The following CSMD2 variants were observed in gnomAD, a reference collection of about 807,000 sequenced individuals.
The protein encoded by CSMD2 is CUB and sushi domain-containing protein 2.
A neutral mutation model predicts 398.5 loss-of-function variants in CSMD2; 130 were observed. That is an observed-to-expected ratio of 0.33 (90% confidence interval 0.28 to 0.38). CSMD2 has a LOEUF of 0.38. Ranked by LOEUF, CSMD2 falls within the 10% of genes least tolerant of loss-of-function variation. CSMD2 has a pLI of 1.00. For synonymous variants in CSMD2, 1,828 were observed against 1,908.5 expected (o/e 0.96, Z 1.10); for missense variants, 3,829 against 4,764.9 (o/e 0.80, Z 5.78).
At chr1:33,968,370 C>T (rs1445924060) in intron 3 of CSMD2, among the ~76,000 whole-genome samples, 2 of 152,226 alleles carry the variant, frequency 1.3e-5, no homozygotes, top group African/African-American at 4.8e-5. Flanking sequence ...TTCATGGCTT[C>T]TTGTATTCCC....
In CSMD2 at chr1:33,537,094, A is replaced by C; in HGVS notation, c.9807T>G (p.Asp3269Glu). 6.2e-7 allele frequency: 1 copy of C among 1,614,148 alleles called. No individual in the cohort carries two copies. The highest frequency in any genetic ancestry group is 2.2e-5 in the East Asian group (1 of 44,868). The change falls in exon 62 of 71, where the codon GAT (aspartate) becomes GAG (glutamate). Residue 3269 changes from aspartate (D) to glutamate (E), a missense_variant and splice_region_variant. Asp to Glu is a conservative substitution (Grantham distance 45, BLOSUM62 2). This residue lies in a region of CSMD2 where 917 missense variants were observed against 1,199.5 expected (regional missense o/e 0.76). Coordinates refer to ENST00000373381, the MANE Select transcript of CSMD2 (RefSeq NM_001281956.2). This position sits in a 1 kb window ranked among gnomAD's most constrained non-coding sequence, Gnocchi z 4.6. ...GGTCCGCACACGTGGTCAGGGTCGG[A>C]TCTGGATGGCCAAAACAAAGACACA... is the stretch of plus-strand genomic sequence containing the variant. Reference protein sequence around the residue: ...TWSGTQPSCIDPTLTTCADPG... With the variant: ...TWSGTQPSCIEPTLTTCADPG...
chr1:33,622,842 A>C (rs1200690609), intron 36 of CSMD2, among the ~76,000 whole-genome samples: 2 of 152,220 alleles, frequency 1.3e-5, no homozygotes, highest in Non-Finnish European at 2.9e-5. Flanking sequence ...GTATATACTC[A>C]AGAGAAGTGA....
chr1:33,522,161 T>C (rs1654367289), intron 67 of CSMD2, among the ~76,000 whole-genome samples: 1 of 152,176 alleles, frequency 6.6e-6, no homozygotes, highest in South Asian at 2.1e-4. Context: ...GCTGAGGGCA[T>C]GCTGTGAGGA....
chr1:34,019,024 T>C (rs749255263), intron 3 of CSMD2, among the ~76,000 whole-genome samples: 2 of 152,226 alleles, frequency 1.3e-5, no homozygotes, highest in African/African-American at 2.4e-5. Flanking sequence ...ACCCACACTT[T>C]ACCTCTTACT....
At position 33,601,009 on chromosome 1, in the gene CSMD2, C is replaced by T; in HGVS notation, c.6712G>A (p.Asp2238Asn). 1.9e-6 allele frequency: 3 copies of T among 1,614,150 alleles called. No individual in the cohort carries two copies. Among genetic ancestry groups the T allele is most frequent in the South Asian group, 1.1e-5 (1 of 91,074 alleles). Residue 2238 changes from aspartate (D) to asparagine (N), a missense_variant and splice_region_variant, in exon 44 of 71, where the codon GAT (aspartate) becomes AAT (asparagine). By Grantham distance (23) the Asp-to-Asn change is conservative. Transcript: ENST00000373381. ...EPSGDFITIW[D>N]GPQQTAPRLG... is the part of the protein sequence containing the mutation. Reference sequence around the variant, plus strand: ...CGTGGTGCTGTTTGCTGTGGCCCATCCCTGTACACAGGAAACAAGGTCCTG... The same window carrying T: ...CGTGGTGCTGTTTGCTGTGGCCCATTCCTGTACACAGGAAACAAGGTCCTG...
intron 17 of CSMD2, among the ~76,000 whole-genome samples, chr1:33,725,058 G>T (rs1215334023): frequency 1.3e-5 from 2 of 152,234 alleles, no homozygotes; most frequent in Non-Finnish European, 2.9e-5. Flanking sequence ...TTCATGGTCA[G>T]TCAAATGTTC....
intron 22 of CSMD2, among the ~76,000 whole-genome samples, chr1:33,707,695 G>GCGCGCACACACA (rs1172787777): frequency 2.3e-4 from 21 of 92,084 alleles, no homozygotes; most frequent in South Asian, 6.3e-4. Flanking sequence ...GCGCGCGCGC[G>GCGCGCACACACA]CACACACACA....
At chr1:33,642,725 A>T (rs1276652596) in intron 29 of CSMD2, among the ~76,000 whole-genome samples, 1 of 152,220 alleles carries the variant, frequency 6.6e-6, no homozygotes, top group African/African-American at 2.4e-5. Context: ...GTTTTCTCAT[A>T]ATCATGTCTC....
At chr1:33,668,493 T>C (rs1193902074) in intron 25 of CSMD2, among the ~76,000 whole-genome samples, 2 of 152,192 alleles carry the variant, frequency 1.3e-5, no homozygotes, top group East Asian at 1.9e-4. Context: ...ATTAAGACTC[T>C]TATTGAATAC....
chr1:33,849,460 AAGC>A (rs1247289556), intron 5 of CSMD2, among the ~76,000 whole-genome samples: 2 of 152,226 alleles, frequency 1.3e-5, no homozygotes, highest in African/African-American at 4.8e-5. Flanking sequence ...TAGTGAGAGA[AAGC>A]AGATTAGTGG....
chr1:33,614,666 T>C, intron 39 of CSMD2, 46 bp from the exon 40 acceptor site: 4 of 1,105,976 alleles, frequency 3.6e-6, no homozygotes, highest in Non-Finnish European at 5.4e-6. Flanking sequence ...CATCAAGGGG[T>C]GTACAGGGCC....
intron 5 of CSMD2, among the ~76,000 whole-genome samples, chr1:33,900,923 A>C (rs192411342): frequency 4.1e-4 from 62 of 152,372 alleles, no homozygotes; most frequent in Non-Finnish European, 8.1e-4. Context: ...ATAGAGACTC[A>C]AAGAGGACAG....
intron 56 of CSMD2, 22 bp from the exon 57 acceptor site, chr1:33,546,241 A>C: frequency 6.3e-7 from 1 of 1,593,368 alleles, no homozygotes; most frequent in Non-Finnish European, 8.6e-7. Context: ...AACCACACAA[A>C]TCCCATTATT....
At chr1:33,691,276 G>A (rs537652387) in intron 25 of CSMD2, among the ~76,000 whole-genome samples, 1 of 152,248 alleles carries the variant, frequency 6.6e-6, no homozygotes, top group Admixed American at 6.5e-5. Flanking sequence ...GTGAGCGTGG[G>A]GTGGCCATGG....
At chr1:33,639,780 C>T (rs138473638) in intron 29 of CSMD2, among the ~76,000 whole-genome samples, 25 of 152,298 alleles carry the variant, frequency 1.6e-4, no homozygotes, top group African/African-American at 5.8e-4. Flanking sequence ...TCATCCCAAG[C>T]ATTACCACAT....
At chr1:33,925,452 T>C (rs1013258675) in intron 4 of CSMD2, among the ~76,000 whole-genome samples, 1 of 152,236 alleles carries the variant, frequency 6.6e-6, no homozygotes, top group Non-Finnish European at 1.5e-5. Context: ...TATAGCCTTG[T>C]AATATATTTT....
At chr1:34,008,006 T>C (rs1647113276) in intron 3 of CSMD2, among the ~76,000 whole-genome samples, 1 of 152,216 alleles carries the variant, frequency 6.6e-6, no homozygotes. Context: ...ATTGTTTGAC[T>C]ATTTGAAAAA....
At chr1:33,594,884 G>C (rs1342719978) in intron 44 of CSMD2, among the ~76,000 whole-genome samples, 1 of 152,228 alleles carries the variant, frequency 6.6e-6, no homozygotes, top group Non-Finnish European at 1.5e-5. Flanking sequence ...CAGCCACAAA[G>C]GTATAGGAGA....
intron 19 of CSMD2, among the ~76,000 whole-genome samples, chr1:33,723,292 G>A (rs550682696): frequency 3.9e-5 from 6 of 152,210 alleles, no homozygotes; most frequent in Non-Finnish European, 8.8e-5. Flanking sequence ...AAAGTGTTCT[G>A]AAAACATAGA....
Sources: gnomAD v4.1 joint callset for allele counts (sites outside exome capture counted in the v4.1 genomes callset) on GRCh38, gnomAD v4.1.1 for gene constraint, gnomAD v4.1.1 regional missense constraint, Gnocchi (gnomAD v3.1) non-coding constraint, MANE v1.5 for transcripts, NCBI Gene and HGNC (gene_info 2026-07-23, HGNC 2026-07-21) for gene names.